The following ASPH variants were observed in gnomAD, a reference collection of about 807,000 sequenced individuals.
The protein encoded by ASPH is aspartate beta-hydroxylase.
In ASPH, 100 loss-of-function variants were observed where a neutral mutation model predicts 118.4. The observed-to-expected ratio is 0.84, with a 90% CI of 0.72 to 1.00. The LOEUF is 1.00. Ranked by LOEUF, ASPH falls within the 50% of genes least tolerant of loss-of-function variation. The probability of loss-of-function intolerance (pLI) is 0.00; values close to 1 mark genes in which losing one functional copy is unlikely to be tolerated. For missense variants in ASPH, 920 were observed against 919.5 expected, an observed-to-expected ratio of 1.00 and a Z score of -0.01; for synonymous variants, 315 against 325.6, an observed-to-expected ratio of 0.97 and a Z score of 0.35.
chr8:61,664,628 G>C (rs1818569008), intron 3 of ASPH: 2 of 986,132 alleles, frequency 2.0e-6, no homozygotes. Flanking sequence ...TGAAGGAAAG[G>C]AGAGAGTAAA....
chr8:61,617,303 G>C (rs1849378834), intron 14 of ASPH, among the ~76,000 whole-genome samples: 1 of 152,166 alleles, frequency 6.6e-6, no homozygotes, highest in Non-Finnish European at 1.5e-5. Flanking sequence ...AAAGCAAACA[G>C]TAGAGAGCAG....
chr8:61,675,716 G>A, intron 3 of ASPH: 1 of 1,032,818 alleles, frequency 9.7e-7, no homozygotes, highest in Non-Finnish European at 1.2e-6. Context: ...AGAAAGACAA[G>A]CATCAAGGGT....
At chr8:61,549,235 A>G (rs921853181) in intron 20 of ASPH, among the ~76,000 whole-genome samples, 19 of 152,248 alleles carry the variant, frequency 1.2e-4, no homozygotes, top group Non-Finnish European at 2.5e-4. Context: ...TTCCCTCATT[A>G]GGAGACTGAA....
chr8:61,651,882 T>A (rs1463134020), intron 4 of ASPH, among the ~76,000 whole-genome samples: 1 of 152,200 alleles, frequency 6.6e-6, no homozygotes, highest in Non-Finnish European at 1.5e-5. Context: ...CTCTAATAAA[T>A]ATAATCTATG....
At chr8:61,663,291 G>A (rs894504197) in intron 3 of ASPH, 30 of 985,104 alleles carry the variant, frequency 3.0e-5, no homozygotes, top group East Asian at 1.1e-4. Flanking sequence ...ACAGGTGTGC[G>A]CCTGGGAAGA....
chr8:61,576,368 A>G (rs1002849026), intron 16 of ASPH, among the ~76,000 whole-genome samples: 3 of 152,224 alleles, frequency 2.0e-5, no homozygotes, highest in African/African-American at 7.2e-5. Flanking sequence ...TAGAGACATC[A>G]AAGTATGTTC....
chr8:61,605,345 T>C (rs1845242101), intron 14 of ASPH, among the ~76,000 whole-genome samples: 1 of 152,218 alleles, frequency 6.6e-6, no homozygotes, highest in Non-Finnish European at 1.5e-5. Context: ...ATGATAATAG[T>C]TGCTCATATC....
At chr8:61,656,906 C>T (rs1272949159) in intron 3 of ASPH, 1 of 152,120 alleles carries the variant, frequency 6.6e-6, no homozygotes, top group African/African-American at 2.4e-5. Flanking sequence ...ATATTTCTTT[C>T]CATAAATATG....
intron 3 of ASPH, chr8:61,663,343 A>G: frequency 1.0e-6 from 1 of 985,398 alleles, no homozygotes; most frequent in Non-Finnish European, 1.2e-6. Flanking sequence ...GATGTTCACC[A>G]GGCCTAACCA....
intron 3 of ASPH, among the ~76,000 whole-genome samples, chr8:61,676,493 C>T (rs570877377): frequency 1.1e-4 from 17 of 152,246 alleles, no homozygotes; most frequent in Admixed American, 2.6e-4. Context: ...AATCAACTCT[C>T]AATCAAATGT....
At chr8:61,566,796 A>C (rs1476800052) in intron 17 of ASPH, among the ~76,000 whole-genome samples, 1 of 152,234 alleles carries the variant, frequency 6.6e-6, no homozygotes, top group Non-Finnish European at 1.5e-5. Context: ...ATTTTTTAGC[A>C]ATAACATATT....
At chr8:61,639,191 C>T (rs1318473970) in intron 10 of ASPH, among the ~76,000 whole-genome samples, 1 of 152,130 alleles carries the variant, frequency 6.6e-6, no homozygotes, top group Non-Finnish European at 1.5e-5. Flanking sequence ...TTTAAACATG[C>T]TCAAGCTTCT....
At chr8:61,711,035 T>C (rs902562923) in intron 1 of ASPH, among the ~76,000 whole-genome samples, 10 of 152,236 alleles carry the variant, frequency 6.6e-5, no homozygotes, top group Admixed American at 5.2e-4. Flanking sequence ...CTAAGAGTTT[T>C]TAAGTGCTTA....
intron 1 of ASPH, among the ~76,000 whole-genome samples, chr8:61,701,072 C>A (rs1352572755): frequency 6.6e-6 from 1 of 152,184 alleles, no homozygotes; most frequent in Non-Finnish European, 1.5e-5. Context: ...ATTTCCATTG[C>A]ACCCCATCCC....
chr8:61,607,391 T>G, intron 14 of ASPH: 1 of 624,724 alleles, frequency 1.6e-6, no homozygotes, highest in Non-Finnish European at 2.9e-6. Context: ...ACACGCTGAC[T>G]TTTAAAAATG....
chr8:61,676,314 T>C (rs1677281130), intron 3 of ASPH: 2 of 1,582,898 alleles, frequency 1.3e-6, no homozygotes. Context: ...CCATCTTTGG[T>C]CAGGCCTACA....
At chr8:61,573,160 G>A (rs1258274968) in intron 16 of ASPH, among the ~76,000 whole-genome samples, 1 of 152,200 alleles carries the variant, frequency 6.6e-6, no homozygotes. Flanking sequence ...TACAAAGGAT[G>A]TGAAGGACCT....
intron 15 of ASPH, among the ~76,000 whole-genome samples, chr8:61,581,189 G>T (rs1837404458): frequency 6.6e-6 from 1 of 152,210 alleles, no homozygotes; most frequent in Non-Finnish European, 1.5e-5. Context: ...CATCAGCCTT[G>T]CTTTCACTTC....
intron 18 of ASPH, 21 bp from the exon 19 acceptor site, chr8:61,556,043 G>A: frequency 1.2e-6 from 2 of 1,603,056 alleles, no homozygotes; most frequent in Non-Finnish European, 1.7e-6. Context: ...AGAAAACACA[G>A]AACATAACTC....
Sources: gnomAD v4.1 joint callset for allele counts (sites outside exome capture counted in the v4.1 genomes callset) on GRCh38, gnomAD v4.1.1 for gene constraint, MANE v1.5 for transcripts, NCBI Gene and HGNC (gene_info 2026-07-23, HGNC 2026-07-21) for gene names.